The following TMEM212 variants were observed in gnomAD, a reference collection of about 807,000 sequenced individuals.
The protein encoded by TMEM212 is transmembrane protein 212.
In TMEM212, 23 loss-of-function variants were observed where a neutral mutation model predicts 20.5. The ratio of observed to expected loss-of-function variants is 1.12; its 90% CI spans 0.81 to 1.59. The LOEUF is 1.59. Among genes scored for constraint, TMEM212 ranks in the 40% most tolerant of loss-of-function variants. The probability of loss-of-function intolerance (pLI) is 0.00; values close to 1 mark genes in which losing one functional copy is unlikely to be tolerated. For synonymous variants in TMEM212, 76 were observed against 81.6 expected, an observed-to-expected ratio of 0.93 and a Z score of 0.37; for missense variants, 211 against 215.0, an observed-to-expected ratio of 0.98 and a Z score of 0.12.
intron 3 of TMEM212, among the ~76,000 whole-genome samples, chr3:171,854,578 G>A (rs1004889711): frequency 6.6e-6 from 1 of 152,060 alleles, no homozygotes; most frequent in East Asian, 1.9e-4. Flanking sequence ...TACTCAAAGC[G>A]ATCTATAGAC....
intron 2 of TMEM212, among the ~76,000 whole-genome samples, chr3:171,852,629 G>A (rs1206153985): frequency 6.6e-6 from 1 of 152,144 alleles, no homozygotes; most frequent in Non-Finnish European, 1.5e-5. Flanking sequence ...GGATCTATAG[G>A]CTTCTCTGCT....
chr3:171,848,383 C>T (rs1341495862), intron 1 of TMEM212, among the ~76,000 whole-genome samples: 2 of 152,158 alleles, frequency 1.3e-5, no homozygotes, highest in African/African-American at 4.8e-5. Context: ...ATTTTTCCTA[C>T]AAGGCATACC....
chr3:171,854,357 C>T (rs1186634059), intron 3 of TMEM212, among the ~76,000 whole-genome samples: 1 of 152,114 alleles, frequency 6.6e-6, no homozygotes, highest in African/African-American at 2.4e-5. Context: ...ATACAAAAAT[C>T]AGCTGTGTTT....
intron 2 of TMEM212, 50 bp from the exon 3 acceptor site, chr3:171,853,477 T>C: frequency 1.4e-6 from 2 of 1,464,604 alleles, no homozygotes; most frequent in Non-Finnish European, 1.8e-6. Flanking sequence ...TAAGAAGCCT[T>C]TGAAATATTT....
chr3:171,850,421 A>G (rs545812672), intron 1 of TMEM212, among the ~76,000 whole-genome samples: 1 of 152,378 alleles, frequency 6.6e-6, no homozygotes, highest in South Asian at 2.1e-4. Context: ...GAAACAGCTC[A>G]TGCCAAAGTA....
chr3:171,848,113 T>C (rs1479722551), intron 1 of TMEM212, among the ~76,000 whole-genome samples: 1 of 152,240 alleles, frequency 6.6e-6, no homozygotes, highest in Non-Finnish European at 1.5e-5. Context: ...GGTAACTCAA[T>C]TCCAAATACT....
Position 171,853,519 on chromosome 3 carries a change from A to C in TMEM212, c.220-8A>C. 1 of 1,527,834 alleles carries C rather than the reference A, an allele frequency of 6.5e-7. No individual in the cohort carries two copies. The highest frequency in any genetic ancestry group is 8.8e-7 in the Non-Finnish European group (1 of 1,142,222). 94.6% of individuals were successfully genotyped at this position (1,527,834 alleles called of 1,614,324 possible). A position where few individuals can be genotyped will look rare whatever the true frequency, so the allele number is the denominator to read the frequency against. On this transcript the variant is annotated splice_polypyrimidine_tract_variant and splice_region_variant and intron_variant, in intron 2 of 4. Coordinates refer to ENST00000334567, the MANE Select transcript of TMEM212 (RefSeq NM_001164436.2). ...CAAAGTAACAATTTATTTTTGCTTT[A>C]TTTTCAGGGGGAAGCTACTTTCACC...
intron 4 of TMEM212, chr3:171,857,087 T>C (rs973219468): frequency 4.5e-5 from 7 of 157,228 alleles, no homozygotes; most frequent in Non-Finnish European, 7.0e-5. Context: ...TGTTTTTCTA[T>C]AACAACAACT....
chr3:171,853,189 A>C (rs1725024782), intron 2 of TMEM212, among the ~76,000 whole-genome samples: 1 of 152,200 alleles, frequency 6.6e-6, no homozygotes, highest in Non-Finnish European at 1.5e-5. Context: ...GGAGAGCATC[A>C]GGAAGAATAG....
At chr3:171,843,877 A>G (rs1258236067) in intron 1 of TMEM212, among the ~76,000 whole-genome samples, 3 of 152,220 alleles carry the variant, frequency 2.0e-5, no homozygotes, top group African/African-American at 7.2e-5. Flanking sequence ...GAATTTAGAA[A>G]AAAACATAAA....
At chr3:171,857,142 T>C (rs757036208) in intron 4 of TMEM212, among the ~76,000 whole-genome samples, 32 of 152,212 alleles carry the variant, frequency 2.1e-4, no homozygotes, top group Non-Finnish European at 4.0e-4. Context: ...TGCCTTGTTA[T>C]AGAATATTAA....
At chr3:171,857,898 G>T (rs955603908) in intron 4 of TMEM212, among the ~76,000 whole-genome samples, 163 bp from the exon 5 acceptor site, 1 of 151,468 alleles carries the variant, frequency 6.6e-6, no homozygotes, top group East Asian at 1.9e-4. Flanking sequence ...GAGATAACAA[G>T]TGTTGGTGAG....
intron 1 of TMEM212, among the ~76,000 whole-genome samples, chr3:171,851,777 C>A (rs1724982093): frequency 6.6e-6 from 1 of 152,224 alleles, no homozygotes; most frequent in Admixed American, 6.5e-5. Flanking sequence ...TTGTATGAAT[C>A]ATGTCTTTAT....
At position 171,843,629 on chromosome 3, in the gene TMEM212, G is replaced by T. The variant is rs143090695; in HGVS notation, c.159+87G>T. 5.9e-4 allele frequency: 697 copies of T among 1,188,664 alleles called. 4 individuals carry two copies. In the African/African-American group the frequency reaches 8.1e-3, roughly 14 times the overall value. 73.6% of individuals were successfully genotyped at this position (1,188,664 alleles called of 1,614,324 possible). On this transcript the variant is annotated intron_variant, in intron 1 of 4. Transcript: ENST00000334567. The stretch of plus-strand genomic sequence containing the variant: ...ACAGAAGAACATATCCTTTTAAATT[G>T]TTCTAACAATACAAAGAAGTCAAAA...
intron 1 of TMEM212, among the ~76,000 whole-genome samples, chr3:171,847,780 G>A (rs571248632): frequency 3.3e-5 from 5 of 152,178 alleles, no homozygotes; most frequent in South Asian, 2.1e-4. Flanking sequence ...CAGACATCAC[G>A]GTGGGGATGG....
chr3:171,850,224 A>C (rs955822296), intron 1 of TMEM212, among the ~76,000 whole-genome samples: 20 of 152,280 alleles, frequency 1.3e-4, no homozygotes, highest in African/African-American at 4.8e-4. Flanking sequence ...TGGGTGCGCT[A>C]ACCTCTTGAG....
At chr3:171,844,889 A>T (rs968755683) in intron 1 of TMEM212, among the ~76,000 whole-genome samples, 1 of 152,222 alleles carries the variant, frequency 6.6e-6, no homozygotes, top group African/African-American at 2.4e-5. Flanking sequence ...GAAGGATCCA[A>T]CAAGGTCTTC....
rs1363959954 is a variant in TMEM212, at chr3:171,859,119, G to A, written c.*1062G>A. The A allele has an allele frequency of 6.6e-6, 1 of 152,162 alleles. No individual in the cohort carries two copies. The highest frequency in any genetic ancestry group is 1.5e-5 in the Non-Finnish European group (1 of 68,042). The allele number at this position is 152,162 out of a possible 1,614,324, so 9.4% of individuals were successfully genotyped here. ...GAACAATGGGAACACTTGGACACAG[G>A]GTGGGGAACATCACACACTGGGGCC... On this transcript the variant is annotated 3_prime_UTR_variant, in exon 5 of 5. Coordinates refer to ENST00000334567, the MANE Select transcript of TMEM212 (RefSeq NM_001164436.2).
rs967413080 is a variant in TMEM212 at position 171,851,973 on chromosome 3, T to C, written c.160-9T>C. 3.9e-6 allele frequency: 6 copies of C among 1,536,848 alleles called. No homozygotes were observed. In the African/African-American group the frequency reaches 6.8e-5, roughly 18 times the overall value. On this transcript the variant is annotated splice_polypyrimidine_tract_variant and intron_variant, in intron 1 of 4. Coordinates refer to ENST00000334567, the MANE Select transcript of TMEM212 (RefSeq NM_001164436.2). ...GGTGGATGTTTATTTTTCCATTTTC[T>C]TGTCACAGGCCATCACAACTGGTGT...
Sources: gnomAD v4.1 joint callset for allele counts (sites outside exome capture counted in the v4.1 genomes callset) on GRCh38, gnomAD v4.1.1 for gene constraint, MANE v1.5 for transcripts, NCBI Gene and HGNC (gene_info 2026-07-23, HGNC 2026-07-21) for gene names.